FILIP1: variants seen among roughly 807,000 people sequenced by gnomAD.
The protein encoded by FILIP1 is filamin A interacting protein 1, also known as filamin-A-interacting protein 1.
A neutral mutation model predicts 102.1 loss-of-function variants in FILIP1; 61 were observed. The ratio of observed to expected loss-of-function variants is 0.60; its 90% confidence interval spans 0.49 to 0.74. The LOEUF is 0.74. Among genes scored for constraint, FILIP1 ranks in the 30% least tolerant of loss-of-function variants. FILIP1 has a pLI of 0.00. For missense variants in FILIP1, 1,314 were observed against 1,441.2 expected, an observed-to-expected ratio of 0.91 and a Z score of 1.43; for synonymous variants, 491 against 526.9, an observed-to-expected ratio of 0.93 and a Z score of 0.93.
intron 1 of FILIP1, among the ~76,000 whole-genome samples, chr6:75,463,021 A>G (rs538235829): frequency 1.6e-4 from 25 of 152,378 alleles, no homozygotes; most frequent in African/African-American, 5.8e-4. Flanking sequence ...CAGTGGCCAC[A>G]GAATGGAAAA....
At position 75,313,586 on chromosome 6, in the gene FILIP1, G is replaced by C; in HGVS notation, c.2246C>G (p.Ser749Cys). 6.2e-7 allele frequency: 1 copy of C among 1,613,820 alleles called. No homozygotes were observed. Among genetic ancestry groups the C allele is most frequent in the Non-Finnish European group, 8.5e-7 (1 of 1,179,924 alleles). The change falls in exon 5 of 6, where the codon TCT becomes TGT. Residue 749 changes from serine (S) to cysteine (C), a missense_variant. Physicochemically the swap from Ser to Cys is moderately radical, Grantham distance 112 (BLOSUM62 -1). Coordinates refer to ENST00000237172, the MANE Select transcript of FILIP1 (RefSeq NM_015687.5). This position sits in a 1 kb window ranked among gnomAD's most constrained non-coding sequence, Gnocchi z 4.2. ...TTCCATAAATCTTTGTTGAAGTACAGAATAATCTACCTGGAGCTGAGAAAG... is the reference window on the plus strand; with the variant it reads ...TTCCATAAATCTTTGTTGAAGTACACAATAATCTACCTGGAGCTGAGAAAG... The part of the protein sequence containing the change: ...DQLSQLQVDY[S>C]VLQQRFMEEE...
At chr6:75,414,510 T>C (rs552590252) in intron 2 of FILIP1, among the ~76,000 whole-genome samples, 187 bp downstream of exon 2, 1 of 152,296 alleles carries the variant, frequency 6.6e-6, no homozygotes, top group South Asian at 2.1e-4. Context: ...ACTTTTTCAT[T>C]TAGCATTCAT....
At chr6:75,376,723 T>G (rs1775765558) in intron 2 of FILIP1, among the ~76,000 whole-genome samples, 1 of 152,228 alleles carries the variant, frequency 6.6e-6, no homozygotes, top group Non-Finnish European at 1.5e-5. Context: ...TCATCCCTGT[T>G]GTTCCCAATA....
intron 1 of FILIP1, among the ~76,000 whole-genome samples, chr6:75,433,361 T>C (rs1028525011): frequency 5.9e-5 from 9 of 152,208 alleles, no homozygotes; most frequent in Non-Finnish European, 8.8e-5. Context: ...TTTTTAATGA[T>C]CACCATTCTA....
At position 75,411,247 on chromosome 6, in the gene FILIP1, T is replaced by C. The variant is rs1003115408; in HGVS notation, c.276+3450A>G. Among the ~76,000 whole-genome samples, 7 of 152,218 alleles carry C rather than the reference T, an allele frequency of 4.6e-5. 1 individual carries two copies. The highest frequency in any genetic ancestry group is 4.6e-4 in the Admixed American group (7 of 15,278). On this transcript the variant is annotated intron_variant, in intron 2 of 5. Transcript: ENST00000237172. ...TTGAAAAATGTCTGTTCATATCTTT[T>C]GCCCACTTTTTGATGGGGTTGTTTT...
intron 5 of FILIP1, among the ~76,000 whole-genome samples, chr6:75,309,868 A>T (rs13217398): frequency 0.055 from 8,355 of 152,266 alleles, 316 homozygotes; most frequent in Non-Finnish European, 0.078. Context: ...CTGCTCCATC[A>T]TTAAGATAGA....
At chr6:75,304,005 G>A (rs1241852138), downstream of FILIP1, among the ~76,000 whole-genome samples, 2 of 152,068 alleles carry the variant, frequency 1.3e-5, no homozygotes. Flanking sequence ...TATGAAACTG[G>A]TGTGTTTAAG....
intron 6 of FILIP1, chr6:75,296,745 G>T (rs539472561): frequency 6.6e-6 from 1 of 151,464 alleles, no homozygotes; most frequent in Non-Finnish European, 1.5e-5. Flanking sequence ...TGATCTGCCC[G>T]CCTCAGCCTC....
At chr6:75,359,321 CTG>C (rs1562498701) in intron 3 of FILIP1, among the ~76,000 whole-genome samples, 1 of 152,100 alleles carries the variant, frequency 6.6e-6, no homozygotes, top group Non-Finnish European at 1.5e-5. Flanking sequence ...GCCAATATCA[CTG>C]GGGCCCTGAG....
At chr6:75,372,797 G>GGAAA (rs57751671) in intron 2 of FILIP1, among the ~76,000 whole-genome samples, 441 of 41,488 alleles carry the variant, frequency 0.011, 114 homozygotes, top group African/African-American at 0.034. Flanking sequence ...AAAGAAAGAA[G>GGAAA]GAAAGAAAGA....
intron 2 of FILIP1, among the ~76,000 whole-genome samples, chr6:75,402,121 A>G (rs1002189834): frequency 3.9e-5 from 6 of 152,122 alleles, no homozygotes; most frequent in Non-Finnish European, 5.9e-5. Context: ...ACATTTCTCA[A>G]TAAAACTAAA....
intron 2 of FILIP1, among the ~76,000 whole-genome samples, chr6:75,409,139 T>C (rs1582461632): frequency 1.3e-5 from 2 of 152,200 alleles, no homozygotes; most frequent in Non-Finnish European, 2.9e-5. Context: ...CAAGAATAAA[T>C]GAAAGGTCCT....
intron 2 of FILIP1, among the ~76,000 whole-genome samples, chr6:75,385,110 T>TC (rs1371597662): frequency 6.6e-6 from 1 of 152,028 alleles, no homozygotes; most frequent in Non-Finnish European, 1.5e-5. Context: ...AATTTCTTAA[T>TC]TTATAACTAA....
chr6:75,359,063 C>T (rs1013067644), intron 3 of FILIP1, among the ~76,000 whole-genome samples: 10 of 151,478 alleles, frequency 6.6e-5, no homozygotes, highest in African/African-American at 1.9e-4. Flanking sequence ...AGTGCAGTGG[C>T]GCCATCTTGG....
chr6:75,362,009 G>A (rs1451333367), intron 3 of FILIP1: 4 of 152,204 alleles, frequency 2.6e-5, no homozygotes, highest in Admixed American at 1.3e-4. Context: ...CATGTTAAAC[G>A]TATAGTAAGT....
intron 1 of FILIP1, among the ~76,000 whole-genome samples, chr6:75,474,403 A>G (rs1426089056): frequency 2.0e-5 from 3 of 152,178 alleles, no homozygotes; most frequent in South Asian, 4.1e-4. Context: ...TTAAACATCC[A>G]TGCTGTCTTT....
At chr6:75,372,722 G>A (rs57654059) in intron 2 of FILIP1, among the ~76,000 whole-genome samples, 1 of 65,890 alleles carries the variant, frequency 1.5e-5, no homozygotes, top group Non-Finnish European at 2.8e-5. Flanking sequence ...AGGAAAGAAA[G>A]AGAAAGAGAA....
At chr6:75,356,567 C>T (rs1208571322) in intron 3 of FILIP1, among the ~76,000 whole-genome samples, 4 of 151,658 alleles carry the variant, frequency 2.6e-5, no homozygotes, top group African/African-American at 9.7e-5. Flanking sequence ...CTCCTCGGTT[C>T]AAGCAATTCT....
Position 75,467,977 on chromosome 6 carries a change from T to A in FILIP1, c.-7+25437A>T, listed in dbSNP as rs557545846. 6.6e-5 allele frequency among the ~76,000 whole-genome samples: 10 copies of A among 152,128 alleles called. No homozygotes were observed. The South Asian group carries it at 1.7e-3, about 25-fold the overall frequency. On this transcript the variant is annotated intron_variant, in intron 1 of 5. Transcript: ENST00000237172. ...TGGAGTCAAAGAGTAGCAACAGGAG[T>A]TATTGCTTCCAGCTGGGAGTCAAAG...
Sources: allele counts gnomAD v4.1 joint callset (sites outside exome capture counted in the v4.1 genomes callset), GRCh38; gene constraint gnomAD v4.1.1; non-coding constraint Gnocchi (gnomAD v3.1); transcripts MANE v1.5; gene names NCBI Gene and HGNC (gene_info 2026-07-23, HGNC 2026-07-21).